The following CEP76 variants were observed in gnomAD, a reference collection of about 807,000 sequenced individuals.
CEP76 encodes centrosomal protein 76, also known as centrosomal protein of 76 kDa.
A neutral mutation model predicts 83.3 loss-of-function variants in CEP76; 55 were observed. The ratio of observed to expected loss-of-function variants is 0.66; its 90% CI spans 0.53 to 0.83. The LOEUF (loss-of-function observed/expected upper bound fraction) is 0.83, where lower values mean the gene tolerates loss of function less well. CEP76 is among the 40% of genes least tolerant of loss of function. The pLI is 0.00. For synonymous variants in CEP76, 270 were observed against 274.5 expected (o/e 0.98, Z 0.16); for missense variants, 694 against 799.5 (o/e 0.87, Z 1.59).
intron 10 of CEP76, among the ~76,000 whole-genome samples, chr18:12,677,816 C>G (rs1184405520): frequency 6.6e-6 from 1 of 152,034 alleles, no homozygotes; most frequent in African/African-American, 2.4e-5. Flanking sequence ...AAGACAAAAT[C>G]CAAATAGTGG....
intron 7 of CEP76, among the ~76,000 whole-genome samples, chr18:12,687,641 G>A (rs2039590159): frequency 6.6e-6 from 1 of 151,302 alleles, no homozygotes; most frequent in African/African-American, 2.4e-5. Context: ...TTGTAGAGAT[G>A]GGGTTTCACG....
chr18:12,698,347 C>G (rs774418394), intron 4 of CEP76, among the ~76,000 whole-genome samples: 5 of 151,968 alleles, frequency 3.3e-5, no homozygotes, highest in Admixed American at 6.6e-5. Context: ...TTTTGTATTT[C>G]TAGTAGAGAC....
intron 4 of CEP76, among the ~76,000 whole-genome samples, chr18:12,698,233 T>C (rs184402331): frequency 2.6e-5 from 4 of 152,012 alleles, no homozygotes; most frequent in East Asian, 1.9e-4. Flanking sequence ...TATTTATTCA[T>C]TTATTTATTT....
intron 4 of CEP76, 23 bp downstream of exon 4, chr18:12,698,956 G>A (rs528412194): frequency 1.4e-6 from 2 of 1,471,244 alleles, no homozygotes; most frequent in East Asian, 2.3e-5. Flanking sequence ...TCAATTAAAT[G>A]ACAATTTATT....
In CEP76 at chr18:12,700,053, T is replaced by C. The variant is rs564697286; in HGVS notation, c.220-148A>G. On this transcript the variant is annotated intron_variant, in intron 2 of 11. Transcript: ENST00000262127. ...CCTTATTTTCCTAGCCTAATTAAAATAATGAAAATAAAAGCCTGCATAAAA... is the reference window on the plus strand; with the variant it reads ...CCTTATTTTCCTAGCCTAATTAAAACAATGAAAATAAAAGCCTGCATAAAA... The C allele has an allele frequency of 6.5e-5, 29 of 447,068 alleles. No individual in the cohort carries two copies. The East Asian group carries it at 9.2e-4, about 14-fold the overall frequency. The allele number at this position is 447,068 out of a possible 1,614,324, so 27.7% of individuals were successfully genotyped here. A position where few individuals can be genotyped will look rare whatever the true frequency, so the allele number is the denominator to read the frequency against.
At chr18:12,697,482 T>G in intron 4 of CEP76, 74 bp from the exon 5 acceptor site, 1 of 981,004 alleles carries the variant, frequency 1.0e-6, no homozygotes, top group Non-Finnish European at 1.5e-6. Flanking sequence ...ATACTTTTAT[T>G]AAACAGTAAA....
chr18:12,699,200 T>A lies in CEP76; in HGVS notation c.299A>T (p.Asn100Ile). 9.3e-6 allele frequency: 15 copies of A among 1,607,866 alleles called. No homozygotes were observed. Among genetic ancestry groups the A allele is most frequent in the Non-Finnish European group, 1.3e-5 (15 of 1,174,710 alleles). Residue 100 changes from asparagine (N) to isoleucine (I), a missense_variant, in exon 4 of 12, where the codon AAT becomes ATT. Physicochemically the swap from Asn to Ile is moderately radical, Grantham distance 149. Coordinates refer to ENST00000262127, the MANE Select transcript of CEP76 (RefSeq NM_024899.4). ...FDRQSTLKKT[N>I]IDPTRRYLYL... ...AAGATACCTCCGTGTTGGATCAATA[T>A]TAGCTGTAAAGTGTAGCAATATATA...
At chr18:12,698,350 G>C (rs1437719191) in intron 4 of CEP76, among the ~76,000 whole-genome samples, 2 of 152,050 alleles carry the variant, frequency 1.3e-5, no homozygotes, top group Non-Finnish European at 2.9e-5. Flanking sequence ...TGTATTTCTA[G>C]TAGAGACAGG....
chr18:12,699,013 A>G lies in CEP76; in HGVS notation c.486T>C (p.Asp162=). ...VPCACEPDFH[D]GFLLEVHRES... ...CTCTGTGTACTTCAAGTAAAAAGCC[A>G]TCATGAAAATCTGGTTCACAGGCAC... Residue 162 remains aspartate (D), a synonymous_variant, in exon 4 of 12, where the codon GAT becomes GAC. Coordinates refer to ENST00000262127, the MANE Select transcript of CEP76 (RefSeq NM_024899.4). The G allele has an allele frequency of 6.2e-7, 1 of 1,613,718 alleles. No individual in the cohort carries two copies. The highest frequency in any genetic ancestry group is 8.5e-7 in the Non-Finnish European group (1 of 1,179,698).
chr18:12,686,167 T>G (rs2039534023), intron 8 of CEP76, 95 bp downstream of exon 8: 1 of 949,824 alleles, frequency 1.1e-6, no homozygotes, highest in African/African-American at 1.7e-5. Context: ...GTTGACTATA[T>G]GTGCATTTTT....
chr18:12,673,602 A>G (rs1598613507), intron 11 of CEP76, 99 bp from the exon 12 acceptor site: 1 of 982,620 alleles, frequency 1.0e-6, no homozygotes, highest in Non-Finnish European at 1.5e-6. Context: ...TTTTCAGGCT[A>G]GGCGTGGTGG....
intron 9 of CEP76, among the ~76,000 whole-genome samples, chr18:12,678,852 A>G (rs1021056530): frequency 3.9e-5 from 6 of 152,096 alleles, no homozygotes; most frequent in Non-Finnish European, 7.4e-5. Flanking sequence ...GCTACTCGGG[A>G]GGCTAAGCCA....
downstream of CEP76, among the ~76,000 whole-genome samples, chr18:12,669,562 T>C (rs548651226): frequency 9.9e-5 from 15 of 152,280 alleles, no homozygotes; most frequent in East Asian, 1.9e-3. Context: ...TATATAAAAC[T>C]ACATATATAT....
chr18:12,699,235 T>C (rs1299734812), intron 3 of CEP76, 32 bp from the exon 4 acceptor site: 12 of 1,411,926 alleles, frequency 8.5e-6, no homozygotes, highest in Non-Finnish European at 9.9e-6. Flanking sequence ...ATGAGGAAAC[T>C]GCCAAATAAC....
At chr18:12,670,370 A>G (rs1484139088), downstream of CEP76, 2 of 152,212 alleles carry the variant, frequency 1.3e-5, no homozygotes, top group African/African-American at 2.4e-5. Flanking sequence ...CTAGTGGTAA[A>G]TGCACTGAAA....
At chr18:12,695,618 TC>T (rs2039927784) in intron 5 of CEP76, among the ~76,000 whole-genome samples, 1 of 152,112 alleles carries the variant, frequency 6.6e-6, no homozygotes, top group African/African-American at 2.4e-5. Context: ...CCTATGTTAT[TC>T]AGGTTGGTCT....
chr18:12,680,461 T>C (rs1458232085), intron 9 of CEP76, among the ~76,000 whole-genome samples: 1 of 151,930 alleles, frequency 6.6e-6, no homozygotes, highest in African/African-American at 2.4e-5. Flanking sequence ...CCAGGTGCGG[T>C]GGCACATGCC....
At chr18:12,701,891 G>A (rs769545827) in intron 1 of CEP76, among the ~76,000 whole-genome samples, 2 of 152,166 alleles carry the variant, frequency 1.3e-5, no homozygotes, top group Non-Finnish European at 2.9e-5. Flanking sequence ...AGCACTTTAG[G>A]AGGCCGAGGC....
In CEP76 at chr18:12,699,923, A is replaced by C; in HGVS notation, c.220-18T>G. On this transcript the variant is annotated intron_variant, in intron 2 of 11. Transcript: ENST00000262127. ...ACACTGTCCTAGAAAGGCAGGAAAA[A>C]AAAATCAAAACAAATTAGAAAACAA... The C allele has an allele frequency of 2.6e-6, 4 of 1,513,920 alleles. No homozygotes were observed. The East Asian group carries it at 9.3e-5, about 35-fold the overall frequency. 93.8% of individuals were successfully genotyped at this position (1,513,920 alleles called of 1,614,324 possible). A position where few individuals can be genotyped will look rare whatever the true frequency, so the allele number is the denominator to read the frequency against.
Sources: allele counts gnomAD v4.1 joint callset (sites outside exome capture counted in the v4.1 genomes callset), GRCh38; gene constraint gnomAD v4.1.1; transcripts MANE v1.5; gene names NCBI Gene and HGNC (gene_info 2026-07-23, HGNC 2026-07-21).